Variants in ARSF observed in about 807,000 individuals in gnomAD.
ARSF encodes the protein arylsulfatase F.
ARSF carries 33 observed loss-of-function variants against 35.4 expected under a neutral mutation model. That is an observed-to-expected ratio of 0.93 (90% CI 0.71 to 1.25). The LOEUF (loss-of-function observed/expected upper bound fraction) is 1.25, where lower values mean the gene tolerates loss of function less well. Ranked by LOEUF, ARSF falls within the 50% of genes most tolerant of loss-of-function variation. ARSF has a pLI of 0.00. For missense variants in ARSF, 501 were observed against 480.2 expected (o/e 1.04, Z -0.40); for synonymous variants, 222 against 193.1 (o/e 1.15, Z -1.24).
chrX:3,099,882 C>CT (rs1414372923), intron 7 of ARSF, among the ~76,000 whole-genome samples: 3 of 111,509 alleles, frequency 2.7e-5, no homozygotes, highest in Non-Finnish European at 5.6e-5. Context: ...TTAACTTGCC[C>CT]TTACTTGTGT....
chrX:3,090,067 C>T (rs998697973), intron 7 of ARSF, among the ~76,000 whole-genome samples: 1 of 111,094 alleles, frequency 9.0e-6, no homozygotes, highest in Non-Finnish European at 1.9e-5. Flanking sequence ...ACCCTTCCCC[C>T]ACTCCTTCCT....
chrX:3,103,750 A>G lies in ARSF; in HGVS notation c.1103-12A>G. 1 of 1,208,913 alleles carries G rather than the reference A, an allele frequency of 8.3e-7. No homozygotes were observed. The highest frequency in any genetic ancestry group is 1.1e-6 in the Non-Finnish European group (1 of 894,155). ...AGGCACAATAATTGAACTTAATTGC[A>G]TTGTCTTATAGGTGGAAAAGGCATG... On this transcript the variant is annotated splice_polypyrimidine_tract_variant and intron_variant, in intron 8 of 10. Coordinates refer to ENST00000381127, the MANE Select transcript of ARSF (RefSeq NM_001201539.2).
chrX:3,071,524 G>T (rs781702910), intron 2 of ARSF, among the ~76,000 whole-genome samples: 16 of 110,234 alleles, frequency 1.5e-4, no homozygotes, highest in Non-Finnish European at 2.8e-4. Flanking sequence ...GGCTGGTCTC[G>T]AGCTCCTGAC....
chrX:3,053,547 A>G (rs2090004866), intron 1 of ARSF, among the ~76,000 whole-genome samples: 1 of 109,179 alleles, frequency 9.2e-6, no homozygotes, highest in African/African-American at 3.3e-5. Flanking sequence ...TCAAGCTATT[A>G]CCCTGCAGCA....
rs182539227 is a variant in ARSF, at chrX:3,100,883, C to T, written c.968-204C>T. ...GTGCTGGGATTACAGGCATGAGCCA[C>T]CGCGCCCGGCCTGACTCTCAGTTTT... On this transcript the variant is annotated intron_variant, in intron 7 of 10. Transcript: ENST00000381127. Among the ~76,000 whole-genome samples, 40 of 111,850 alleles carry T rather than the reference C, an allele frequency of 3.6e-4. 1 individual carries two copies. Among genetic ancestry groups the T allele is most frequent in the African/African-American group, 1.2e-3 (37 of 30,860 alleles).
intron 2 of ARSF, 102 bp downstream of exon 2, chrX:3,068,213 T>C (rs1329391744): frequency 2.5e-6 from 2 of 799,797 alleles, no homozygotes; most frequent in South Asian, 6.7e-5. Flanking sequence ...TAATATCATC[T>C]GCCTTTTTTT....
chrX:3,053,180 G>T (rs1255761482), intron 1 of ARSF, among the ~76,000 whole-genome samples: 4 of 111,146 alleles, frequency 3.6e-5, no homozygotes, highest in Non-Finnish European at 7.5e-5. Flanking sequence ...GACCACATTT[G>T]GAAATACACT....
chrX:3,047,368 T>C (rs1002447903), intron 1 of ARSF, among the ~76,000 whole-genome samples: 1 of 110,434 alleles, frequency 9.1e-6, no homozygotes, highest in Non-Finnish European at 1.9e-5. Context: ...TTGGTAGAGA[T>C]GGAATTTCAC....
At chrX:3,106,367 G>T (rs1169510478) in intron 9 of ARSF, among the ~76,000 whole-genome samples, 1 of 111,920 alleles carries the variant, frequency 8.9e-6, no homozygotes, top group African/African-American at 3.3e-5. Flanking sequence ...TTGAATTCAT[G>T]ACTTCTTTGG....
chrX:3,056,414 TAC>T (rs1157885097), intron 1 of ARSF, among the ~76,000 whole-genome samples: 1 of 109,617 alleles, frequency 9.1e-6, no homozygotes, highest in Non-Finnish European at 1.9e-5. Context: ...TAGTTGGGAT[TAC>T]AGTCATGTGC....
intron 7 of ARSF, among the ~76,000 whole-genome samples, chrX:3,095,389 A>G (rs1404530230): frequency 9.2e-6 from 1 of 108,321 alleles, no homozygotes; most frequent in Admixed American, 1.0e-4. Flanking sequence ...TTATAGTTAT[A>G]TTACTTATAT....
intron 6 of ARSF, among the ~76,000 whole-genome samples, chrX:3,087,864 G>C (rs986252648): frequency 4.5e-5 from 5 of 111,711 alleles, no homozygotes; most frequent in Middle Eastern, 9.3e-3. Context: ...CACATCTTAA[G>C]TAATTAAATC....
chrX:3,112,545 G>T lies in ARSF; in HGVS notation c.1762G>T (p.Glu588Ter). Residue 588 changes from glutamate (E) to a stop codon, truncating the protein, a stop_gained, in exon 11 of 11, where the codon GAG becomes TAG. Transcript: ENST00000381127. LOFTEE classifies it high-confidence loss of function. ...AGTCTCTCAGCCTCGGGGTCCTAAC[G>T]AGAAGAGATAATTACAATCAGGCTA... Reference protein sequence around the residue: ...EEVSQPRGPNEKR With the variant: ...EEVSQPRGPN 8.3e-7 allele frequency: 1 copy of T among 1,201,799 alleles called. No individual in the cohort carries two copies. The highest frequency in any genetic ancestry group is 1.8e-5 in the South Asian group (1 of 55,715).
intron 9 of ARSF, among the ~76,000 whole-genome samples, chrX:3,104,835 A>G (rs766837933): frequency 8.9e-6 from 1 of 112,243 alleles, no homozygotes; most frequent in South Asian, 3.8e-4. Flanking sequence ...CATGGTAGGT[A>G]AAACTCACTC....
chrX:3,077,020 C>T (rs180683039), intron 4 of ARSF, among the ~76,000 whole-genome samples: 7 of 110,207 alleles, frequency 6.4e-5, no homozygotes, highest in East Asian at 2.9e-4. Flanking sequence ...ACTCTAGCCT[C>T]GTTGATAGAG....
intron 7 of ARSF, among the ~76,000 whole-genome samples, chrX:3,093,049 C>T (rs1236188861): frequency 9.1e-6 from 1 of 109,753 alleles, no homozygotes; most frequent in Non-Finnish European, 1.9e-5. Context: ...GTCTGTAGTC[C>T]CAGCTACTCG....
chrX:3,092,906 C>T (rs1001035510), intron 7 of ARSF, among the ~76,000 whole-genome samples: 8 of 112,279 alleles, frequency 7.1e-5, no homozygotes, highest in South Asian at 3.7e-4. Context: ...GGCGCGGTGG[C>T]TCACGCCTGT....
rs766777825 is a variant in ARSF at position 3,110,185 on chromosome X, G to A, written c.1323G>A (p.Glu441=). 9 of 1,203,220 alleles carry A rather than the reference G, an allele frequency of 7.5e-6. No individual in the cohort carries two copies. The highest frequency in any genetic ancestry group is 1.1e-6 in the Non-Finnish European group (1 of 891,334). The change falls in exon 10 of 11, where the codon GAG becomes GAA. Residue 441 remains glutamate (E), a synonymous_variant. Transcript: ENST00000381127. ...PLLQGNVRHS[E]HEFLFHYCGS... The stretch of plus-strand genomic sequence containing the variant: ...TGCAGGGCAACGTCAGGCACTCGGA[G>A]CATGAATTTCTTTTCCACTACTGTG...
At chrX:3,074,300 A>T (rs756510977) in intron 3 of ARSF, among the ~76,000 whole-genome samples, 4 of 111,151 alleles carry the variant, frequency 3.6e-5, no homozygotes, top group South Asian at 3.8e-4. Flanking sequence ...CCAGGAATGC[A>T]GTTTACAATT....
Sources: gnomAD v4.1 joint callset for allele counts (sites outside exome capture counted in the v4.1 genomes callset) on GRCh38, gnomAD v4.1.1 for gene constraint, MANE v1.5 for transcripts, NCBI Gene and HGNC (gene_info 2026-07-23, HGNC 2026-07-21) for gene names.